PPP2R3A: variants seen among roughly 807,000 people sequenced by gnomAD.
PPP2R3A encodes serine/threonine-protein phosphatase 2A regulatory subunit B'' subunit alpha.
A neutral mutation model predicts 106.9 loss-of-function variants in PPP2R3A; 80 were observed. The observed-to-expected ratio is 0.75, with a 90% CI of 0.62 to 0.90. The LOEUF (loss-of-function observed/expected upper bound fraction) is 0.90. PPP2R3A is among the 40% of genes least tolerant of loss of function. The pLI is 0.00. For synonymous variants in PPP2R3A, 483 were observed against 468.3 expected, an observed-to-expected ratio of 1.03 and a Z score of -0.41; for missense variants, 1,386 against 1,350.4, an observed-to-expected ratio of 1.03 and a Z score of -0.41.
At chr3:136,023,257 T>TGTTTTG in intron 2 of PPP2R3A, 2 of 1,174,708 alleles carry the variant, frequency 1.7e-6, no homozygotes, top group Admixed American at 2.2e-5. Context: ...GAAAATATTT[T>TGTTTTG]TATTACTAAT....
Position 136,001,181 on chromosome 3 carries a change from T to C in PPP2R3A, c.-318T>C. 1 of 429,640 alleles carries C rather than the reference T, an allele frequency of 2.3e-6. No homozygotes were observed. The highest frequency in any genetic ancestry group is 4.1e-6 in the Non-Finnish European group (1 of 245,394). 26.6% of individuals were successfully genotyped at this position (429,640 alleles called of 1,614,324 possible). ...AATTTATGAGAGCAAATTTCCATGT[T>C]ATAGAACTGTTGAAGAACTAAAAGA... On this transcript the variant is annotated 5_prime_UTR_variant, in exon 2 of 14. Coordinates refer to ENST00000264977, the MANE Select transcript of PPP2R3A (RefSeq NM_002718.5).
intron 1 of PPP2R3A, among the ~76,000 whole-genome samples, chr3:135,990,142 G>A (rs931266373): frequency 6.6e-6 from 1 of 152,124 alleles, no homozygotes; most frequent in Admixed American, 6.6e-5. Context: ...TTGAAGGCGG[G>A]TCCGGGCACC....
intron 7 of PPP2R3A, among the ~76,000 whole-genome samples, chr3:136,081,276 C>A (rs1244287451): frequency 2.6e-5 from 4 of 152,204 alleles, no homozygotes; most frequent in Admixed American, 2.0e-4. Context: ...CAGGCATGAG[C>A]AACCACACCC....
chr3:136,089,953 A>G (rs553864708), intron 9 of PPP2R3A, among the ~76,000 whole-genome samples: 2 of 152,142 alleles, frequency 1.3e-5, no homozygotes, highest in South Asian at 2.1e-4. Flanking sequence ...TTATACATTG[A>G]TTTTGTATCC....
chr3:135,979,641 G>T (rs748361855), intron 1 of PPP2R3A, among the ~76,000 whole-genome samples: 16 of 151,774 alleles, frequency 1.1e-4, no homozygotes, highest in Non-Finnish European at 2.4e-4. Context: ...GGTTGTAAAA[G>T]TGGGCACATG....
intron 10 of PPP2R3A, among the ~76,000 whole-genome samples, chr3:136,092,272 G>A (rs1364923307): frequency 3.9e-5 from 6 of 152,188 alleles, no homozygotes; most frequent in Non-Finnish European, 5.9e-5. Context: ...AGAGGTTGCA[G>A]TGAGCTGAGA....
intron 5 of PPP2R3A, among the ~76,000 whole-genome samples, chr3:136,052,969 A>C (rs1412722570): frequency 6.6e-6 from 1 of 152,236 alleles, no homozygotes; most frequent in East Asian, 1.9e-4. Flanking sequence ...AAGTGACCAC[A>C]TGTCTTGTGG....
chr3:136,091,815 A>G (rs1031240920), intron 10 of PPP2R3A, among the ~76,000 whole-genome samples: 6 of 152,204 alleles, frequency 3.9e-5, no homozygotes, highest in Non-Finnish European at 8.8e-5. Context: ...AAAATATTAA[A>G]AGTTCATATA....
intron 13 of PPP2R3A, among the ~76,000 whole-genome samples, chr3:136,132,248 A>T (rs1938457027): frequency 6.6e-6 from 1 of 152,172 alleles, no homozygotes; most frequent in Non-Finnish European, 1.5e-5. Context: ...CAACAATTGT[A>T]ACTGGGGGGT....
At chr3:135,969,284 A>C (rs899567340) in intron 1 of PPP2R3A, among the ~76,000 whole-genome samples, 18 of 152,172 alleles carry the variant, frequency 1.2e-4, no homozygotes, top group Admixed American at 8.5e-4. Flanking sequence ...GCTGAGAGAA[A>C]AGAATGGTCG....
chr3:136,068,065 A>G (rs1936315105), intron 5 of PPP2R3A, among the ~76,000 whole-genome samples: 1 of 152,188 alleles, frequency 6.6e-6, no homozygotes, highest in African/African-American at 2.4e-5. Flanking sequence ...TCTCTACTAA[A>G]AAACAAAAAC....
intron 13 of PPP2R3A, among the ~76,000 whole-genome samples, chr3:136,131,289 A>G (rs947339112): frequency 1.3e-5 from 2 of 152,268 alleles, no homozygotes; most frequent in East Asian, 1.9e-4. Flanking sequence ...CTAATATCCA[A>G]AATCTACAAA....
At chr3:135,993,494 T>C (rs983765106) in intron 1 of PPP2R3A, among the ~76,000 whole-genome samples, 4 of 152,212 alleles carry the variant, frequency 2.6e-5, no homozygotes, top group South Asian at 4.1e-4. Context: ...CAGGTTCTTA[T>C]AAAGTTAAAT....
rs186233655 is a variant in PPP2R3A at position 136,122,866 on chromosome 3, C to G, written c.3329+16544C>G. On this transcript the variant is annotated intron_variant, in intron 13 of 13. Transcript: ENST00000264977. ...CCCAGGACTGGAACATTAGTTTATC[C>G]TTACAAAATCTGTCATTAGCGATTA... Among the ~76,000 whole-genome samples, 828 of 152,204 alleles carry G rather than the reference C, an allele frequency of 5.4e-3. 1 individual carries two copies. The highest frequency in any genetic ancestry group is 8.3e-3 in the Admixed American group (127 of 15,266).
chr3:136,145,193 A>T lies in PPP2R3A; in HGVS notation c.*27A>T. Reference sequence around the variant, plus strand: ...TGCCGGTGTCTACAATGAAACGAAGATGTGTATTTTAAATGTTTCTTTCTT... The same window carrying T: ...TGCCGGTGTCTACAATGAAACGAAGTTGTGTATTTTAAATGTTTCTTTCTT... On this transcript the variant is annotated 3_prime_UTR_variant, in exon 14 of 14. Transcript: ENST00000264977. 1 of 1,587,700 alleles carries T rather than the reference A, an allele frequency of 6.3e-7. No homozygotes were observed. Among genetic ancestry groups the T allele is most frequent in the Non-Finnish European group, 8.5e-7 (1 of 1,171,010 alleles).
intron 13 of PPP2R3A, among the ~76,000 whole-genome samples, chr3:136,109,675 T>C (rs949408209): frequency 2.6e-5 from 4 of 152,084 alleles, no homozygotes; most frequent in African/African-American, 7.2e-5. Context: ...TATAGTAATA[T>C]AGACCAGCAT....
At chr3:136,052,060 A>G (rs1229169923) in intron 5 of PPP2R3A, among the ~76,000 whole-genome samples, 1 of 152,208 alleles carries the variant, frequency 6.6e-6, no homozygotes, top group African/African-American at 2.4e-5. Context: ...AATTAAGACC[A>G]TTTTACCTGA....
At chr3:136,070,192 A>G (rs935119757) in intron 5 of PPP2R3A, among the ~76,000 whole-genome samples, 3 of 152,184 alleles carry the variant, frequency 2.0e-5, no homozygotes, top group Admixed American at 6.5e-5. Flanking sequence ...TGTGCTGTTG[A>G]TGTGTTAGAA....
At chr3:135,985,361 T>G (rs1371647117) in intron 1 of PPP2R3A, among the ~76,000 whole-genome samples, 1 of 140,046 alleles carries the variant, frequency 7.1e-6, no homozygotes, top group African/African-American at 2.6e-5. Flanking sequence ...CCGCCCTCTT[T>G]CCCTCTCTCC....
Sources: gnomAD v4.1 joint callset for allele counts (sites outside exome capture counted in the v4.1 genomes callset) on GRCh38, gnomAD v4.1.1 for gene constraint, MANE v1.5 for transcripts, NCBI Gene and HGNC (gene_info 2026-07-23, HGNC 2026-07-21) for gene names.